Variants in MID1 observed in about 807,000 individuals in gnomAD.
MID1 encodes the protein midline 1.
In MID1, 7 loss-of-function variants were observed where a neutral mutation model predicts 40.4. The ratio of observed to expected loss-of-function variants is 0.17; its 90% CI spans 0.10 to 0.33. The LOEUF is 0.33. Ranked by LOEUF, MID1 falls within the 10% of genes least tolerant of loss-of-function variation. The pLI is 1.00. For synonymous variants in MID1, 229 were observed against 221.2 expected (o/e 1.04, Z -0.31); for missense variants, 367 against 558.5 (o/e 0.66, Z 3.46).
intron 3 of MID1, among the ~76,000 whole-genome samples, chrX:10,516,609 T>TGTGTGTGTGTGC (rs1491262374): frequency 7.9e-5 from 4 of 50,373 alleles, no homozygotes; most frequent in African/African-American, 3.0e-4. Flanking sequence ...TGTGTGTGTG[T>TGTGTGTGTGTGC]GCGCGCGCGC....
intron 2 of MID1, among the ~76,000 whole-genome samples, chrX:10,523,721 T>C (rs1402415720): frequency 9.1e-6 from 1 of 109,740 alleles, no homozygotes; most frequent in Non-Finnish European, 1.9e-5. Context: ...TGTAGTGGAG[T>C]TGACTCTGTA....
intron 1 of MID1, among the ~76,000 whole-genome samples, chrX:10,720,748 C>A (rs1047786745): frequency 1.8e-5 from 2 of 110,177 alleles, no homozygotes; most frequent in Admixed American, 9.8e-5. Context: ...CACATGCACA[C>A]GTATGTTTAT....
chrX:10,548,573 C>T (rs1184387390), intron 2 of MID1, among the ~76,000 whole-genome samples: 1 of 111,841 alleles, frequency 8.9e-6, no homozygotes, highest in African/African-American at 3.2e-5. Flanking sequence ...CTCTGAAAAA[C>T]ATAGATACGA....
At chrX:10,691,291 A>C (rs1037314762) in intron 1 of MID1, among the ~76,000 whole-genome samples, 2 of 111,792 alleles carry the variant, frequency 1.8e-5, no homozygotes, top group Non-Finnish European at 3.8e-5. Flanking sequence ...TAATCCCAGC[A>C]CTTTGGGAGG....
At chrX:10,787,706 C>A (rs751304240) in intron 1 of MID1, among the ~76,000 whole-genome samples, 1 of 103,797 alleles carries the variant, frequency 9.6e-6, no homozygotes, top group East Asian at 3.1e-4. Context: ...CCACTGCACC[C>A]GGCCCAAAAA....
chrX:10,789,400 T>C (rs1214584676), intron 1 of MID1, among the ~76,000 whole-genome samples: 1 of 112,438 alleles, frequency 8.9e-6, no homozygotes, highest in African/African-American at 3.2e-5. Context: ...ATATATGACA[T>C]GTTCCCATAA....
At chrX:10,801,919 A>G (rs1748832025) in intron 1 of MID1, among the ~76,000 whole-genome samples, 1 of 111,987 alleles carries the variant, frequency 8.9e-6, no homozygotes, top group Admixed American at 9.5e-5. Flanking sequence ...ACGGTGGCTC[A>G]TGCTTGTAAT....
chrX:10,500,715 G>A (rs1238388273), intron 3 of MID1, among the ~76,000 whole-genome samples: 1 of 111,840 alleles, frequency 8.9e-6, no homozygotes, highest in African/African-American at 3.2e-5. Context: ...GTTTGGTTTG[G>A]AAGCTAGCAG....
chrX:10,647,138 A>G (rs893603187), intron 1 of MID1, among the ~76,000 whole-genome samples: 2 of 111,197 alleles, frequency 1.8e-5, no homozygotes, highest in Admixed American at 9.6e-5. Context: ...AAGCTACACA[A>G]CCATCCAGGA....
chrX:10,508,709 G>C (rs1265760396), intron 3 of MID1, among the ~76,000 whole-genome samples: 1 of 111,897 alleles, frequency 8.9e-6, no homozygotes, highest in African/African-American at 3.2e-5. Context: ...TTGCAAGACA[G>C]AGGAAATTAA....
intron 1 of MID1, among the ~76,000 whole-genome samples, chrX:10,674,929 T>C (rs2147065652): frequency 8.9e-6 from 1 of 112,642 alleles, no homozygotes; most frequent in South Asian, 3.7e-4. Flanking sequence ...AAGCATATAT[T>C]TTTTCAGGTT....
At chrX:10,734,286 A>T (rs762589491) in intron 1 of MID1, among the ~76,000 whole-genome samples, 1 of 111,826 alleles carries the variant, frequency 8.9e-6, no homozygotes, top group Admixed American at 9.5e-5. Flanking sequence ...CTAACGCAGG[A>T]ACAGAAAACC....
downstream of MID1, chrX:10,445,488 T>C (rs945948248): frequency 8.9e-6 from 1 of 112,237 alleles, no homozygotes; most frequent in African/African-American, 3.2e-5. Context: ...GAATAAATAT[T>C]TGTCAACATC....
chrX:10,771,005 C>T (rs2043763551), intron 1 of MID1, among the ~76,000 whole-genome samples: 1 of 108,074 alleles, frequency 9.3e-6, no homozygotes, highest in South Asian at 4.1e-4. Flanking sequence ...ACTCGGGAGG[C>T]TGAGGCAGGA....
chrX:10,478,189 T>C (rs1054470464), intron 5 of MID1, among the ~76,000 whole-genome samples: 1 of 112,467 alleles, frequency 8.9e-6, no homozygotes, highest in African/African-American at 3.2e-5. Context: ...ACCAACTTTC[T>C]TATGCCTGGA....
intron 4 of MID1, among the ~76,000 whole-genome samples, chrX:10,483,285 CT>C (rs758174144): frequency 8.9e-6 from 1 of 111,896 alleles, no homozygotes; most frequent in East Asian, 2.8e-4. Flanking sequence ...TTTCCAGGCA[CT>C]TTGTGCTTAC....
intron 1 of MID1, among the ~76,000 whole-genome samples, chrX:10,779,302 T>A (rs1243303011): frequency 9.0e-6 from 1 of 111,714 alleles, no homozygotes; most frequent in Non-Finnish European, 1.9e-5. Context: ...CACCTCAGCT[T>A]CCCGAGTAGC....
At chrX:10,579,944 C>G (rs1934966101) in intron 1 of MID1, among the ~76,000 whole-genome samples, 1 of 110,159 alleles carries the variant, frequency 9.1e-6, no homozygotes, top group Admixed American at 9.7e-5. Context: ...ATATTAAGAA[C>G]AGCGTCGGGA....
At chrX:10,618,569 G>A (rs992325240) in intron 1 of MID1, among the ~76,000 whole-genome samples, 3 of 112,066 alleles carry the variant, frequency 2.7e-5, no homozygotes, top group African/African-American at 6.5e-5. Flanking sequence ...GCTGTGAGAT[G>A]AAAAGTTGCC....
Sources: gnomAD v4.1 joint callset for allele counts (sites outside exome capture counted in the v4.1 genomes callset) on GRCh38, gnomAD v4.1.1 for gene constraint, MANE v1.5 for transcripts, NCBI Gene and HGNC (gene_info 2026-07-23, HGNC 2026-07-21) for gene names.